Variants in GRM8 observed in about 807,000 individuals in gnomAD.
GRM8 encodes the protein glutamate metabotropic receptor 8.
A neutral mutation model predicts 87.2 loss-of-function variants in GRM8; 47 were observed. The observed-to-expected ratio is 0.54, with a 90% CI of 0.43 to 0.69. The LOEUF is 0.69. Among genes scored for constraint, GRM8 ranks in the 30% least tolerant of loss-of-function variants. The pLI, the probability that GRM8 is intolerant of heterozygous loss-of-function variation, is 0.00. For missense variants in GRM8, 1,019 were observed against 1,139.2 expected, an observed-to-expected ratio of 0.89 and a Z score of 1.52; for synonymous variants, 396 against 404.5, an observed-to-expected ratio of 0.98 and a Z score of 0.25.
At chr7:126,951,635 T>C (rs537904521) in intron 3 of GRM8, among the ~76,000 whole-genome samples, 1 of 152,120 alleles carries the variant, frequency 6.6e-6, no homozygotes, top group South Asian at 2.1e-4. Flanking sequence ...TAGAATTTAG[T>C]CAGTAAATAT....
intron 9 of GRM8, among the ~76,000 whole-genome samples, chr7:126,517,592 G>A (rs1295071947): frequency 6.6e-6 from 1 of 152,068 alleles, no homozygotes; most frequent in Non-Finnish European, 1.5e-5. Flanking sequence ...GTTAAACAGT[G>A]TAAAGTTTGT....
intron 3 of GRM8, among the ~76,000 whole-genome samples, chr7:126,910,297 T>C (rs547727526): frequency 6.6e-6 from 1 of 152,326 alleles, no homozygotes; most frequent in South Asian, 2.1e-4. Flanking sequence ...TACTTCTTTT[T>C]CTTTTTCTTC....
At chr7:126,880,293 C>T (rs530958034) in intron 6 of GRM8, among the ~76,000 whole-genome samples, 2 of 152,264 alleles carry the variant, frequency 1.3e-5, no homozygotes, top group African/African-American at 2.4e-5. Flanking sequence ...GCAATGATTT[C>T]GCTTTTATAG....
chr7:126,658,129 T>C (rs563339511), intron 7 of GRM8, among the ~76,000 whole-genome samples: 24 of 152,258 alleles, frequency 1.6e-4, no homozygotes, highest in African/African-American at 5.5e-4. Flanking sequence ...TAAAGAGAAG[T>C]AGGCAGAAAG....
chr7:127,172,021 C>T (rs17862310), intron 2 of GRM8, among the ~76,000 whole-genome samples: 10,957 of 143,540 alleles, frequency 0.076, 569 homozygotes, highest in African/African-American at 0.15. Context: ...TAGGATATTA[C>T]TTGCAAAAAA....
chr7:126,824,968 T>C (rs1258594320), intron 6 of GRM8, among the ~76,000 whole-genome samples: 1 of 152,224 alleles, frequency 6.6e-6, no homozygotes, highest in Non-Finnish European at 1.5e-5. Context: ...TTCCTCAGGA[T>C]AGTAGTTTGA....
rs1039048356 is a variant in GRM8 at position 127,195,803 on chromosome 7, C to T, written c.510+46892G>A. Among the ~76,000 whole-genome samples, 6 of 152,178 alleles carry T rather than the reference C, an allele frequency of 3.9e-5. No homozygotes were observed. In the East Asian group the frequency reaches 1.2e-3, roughly 29 times the overall value. On this transcript the variant is annotated intron_variant, in intron 2 of 10. Coordinates refer to ENST00000339582, the MANE Select transcript of GRM8 (RefSeq NM_000845.3). ...CAGCATTCCTGCCACTGTTTTGGGG[C>T]TACTTGTGTACTTGCCTATCCACCC... is the stretch of plus-strand genomic sequence containing the variant.
chr7:126,550,432 G>A (rs1432349256), intron 8 of GRM8, among the ~76,000 whole-genome samples: 1 of 152,070 alleles, frequency 6.6e-6, no homozygotes, highest in African/African-American at 2.4e-5. Context: ...TTTTAAAAAT[G>A]AATCATAAAT....
intron 6 of GRM8, among the ~76,000 whole-genome samples, chr7:126,878,249 A>G (rs908693487): frequency 7.9e-5 from 12 of 152,222 alleles, no homozygotes; most frequent in Admixed American, 5.2e-4. Flanking sequence ...ACTTGTTGAC[A>G]GCCATACTTG....
chr7:126,646,161 T>C (rs1302308323), intron 7 of GRM8, among the ~76,000 whole-genome samples: 4 of 152,056 alleles, frequency 2.6e-5, no homozygotes, highest in Non-Finnish European at 4.4e-5. Context: ...ACACTTAACC[T>C]ATCTGCATTC....
intron 3 of GRM8, among the ~76,000 whole-genome samples, chr7:127,072,464 G>A (rs1420657493): frequency 6.6e-6 from 1 of 152,162 alleles, no homozygotes; most frequent in African/African-American, 2.4e-5. Context: ...CTGTGTTTGT[G>A]GATTTTTTTT....
At chr7:126,757,558 A>G (rs1201578134) in intron 7 of GRM8, among the ~76,000 whole-genome samples, 1 of 152,164 alleles carries the variant, frequency 6.6e-6, no homozygotes, top group East Asian at 1.9e-4. Context: ...TTCTATTTGA[A>G]TTACTTTTTT....
intron 8 of GRM8, among the ~76,000 whole-genome samples, chr7:126,577,688 T>C (rs1329695331): frequency 6.6e-6 from 1 of 152,172 alleles, no homozygotes; most frequent in Non-Finnish European, 1.5e-5. Context: ...AACTTAAGTA[T>C]TAATTGAAAT....
At chr7:126,843,627 G>A (rs771657314) in intron 6 of GRM8, among the ~76,000 whole-genome samples, 5 of 152,190 alleles carry the variant, frequency 3.3e-5, no homozygotes, top group Non-Finnish European at 5.9e-5. Flanking sequence ...AAGTGAGGAG[G>A]TGGATTAGGC....
At chr7:126,687,301 T>A (rs1000200413) in intron 7 of GRM8, among the ~76,000 whole-genome samples, 4 of 152,236 alleles carry the variant, frequency 2.6e-5, no homozygotes, top group Admixed American at 6.5e-5. Flanking sequence ...TTAGTTTAGT[T>A]TTTGCCTGTT....
chr7:126,533,515 A>G lies in GRM8; in HGVS notation c.1867T>C (p.Tyr623His). The G allele has an allele frequency of 3.1e-6, 5 of 1,614,136 alleles. No individual in the cohort carries two copies. Among genetic ancestry groups the G allele is most frequent in the Non-Finnish European group, 4.2e-6 (5 of 1,180,010 alleles). ...AGAAAAATCCCCGTTAGGAGCACGT[A>G]ACTAAGTTCGCGTCCTGAAGCCCTC... ...IVRASGRELSYVLLTGIFLCY... is the reference protein window; with the variant it reads ...IVRASGRELSHVLLTGIFLCY... The change falls in exon 9 of 11, where the codon TAC (tyrosine) becomes CAC (histidine). Residue 623 changes from tyrosine (Y) to histidine (H), a missense_variant. Physicochemically the swap from Tyr to His is moderately conservative, Grantham distance 83. Transcript: ENST00000339582.
chr7:126,733,697 C>T (rs1359461597), intron 7 of GRM8, among the ~76,000 whole-genome samples: 1 of 151,810 alleles, frequency 6.6e-6, no homozygotes, highest in Non-Finnish European at 1.5e-5. Flanking sequence ...TGATAGGTGA[C>T]AAGGCATTTG....
At chr7:127,073,610 CT>C (rs937299283) in intron 3 of GRM8, among the ~76,000 whole-genome samples, 4 of 152,090 alleles carry the variant, frequency 2.6e-5, no homozygotes, top group African/African-American at 9.7e-5. Context: ...GGCTGATTGG[CT>C]TGGCTTTCCC....
chr7:126,890,188 AC>A (rs1800861829), intron 6 of GRM8, among the ~76,000 whole-genome samples: 1 of 152,090 alleles, frequency 6.6e-6, no homozygotes, highest in Admixed American at 6.6e-5. Flanking sequence ...ATATGGAAAA[AC>A]CTTCTTCACC....
Sources: allele counts gnomAD v4.1 joint callset (sites outside exome capture counted in the v4.1 genomes callset), GRCh38; gene constraint gnomAD v4.1.1; transcripts MANE v1.5; gene names NCBI Gene and HGNC (gene_info 2026-07-23, HGNC 2026-07-21).